Variants in PARD3B observed in about 807,000 individuals in gnomAD.
PARD3B encodes the protein par-3 family cell polarity regulator beta.
Under a neutral mutation model 130.2 loss-of-function variants are expected in PARD3B, and 103 were observed. The observed-to-expected ratio is 0.79, with a 90% CI of 0.67 to 0.93. The LOEUF is 0.93. Among genes scored for constraint, PARD3B ranks in the 40% least tolerant of loss-of-function variants. PARD3B has a pLI of 0.00. For missense variants in PARD3B, 1,609 were observed against 1,499.2 expected (o/e 1.07, Z -1.21); for synonymous variants, 583 against 553.2 (o/e 1.05, Z -0.76).
intron 1 of PARD3B, among the ~76,000 whole-genome samples, chr2:204,634,612 G>C (rs532849167): frequency 6.6e-6 from 1 of 152,102 alleles, no homozygotes; most frequent in Admixed American, 6.5e-5. Flanking sequence ...ATTCTCCAGA[G>C]TCTGTATTTT....
intron 19 of PARD3B, among the ~76,000 whole-genome samples, chr2:205,432,117 T>C (rs114575507): frequency 1.3e-5 from 2 of 152,214 alleles, no homozygotes; most frequent in South Asian, 4.1e-4. Flanking sequence ...AGGGCAGTCT[T>C]AATTACAGAA....
At chr2:204,896,598 G>A (rs2046649553) in intron 2 of PARD3B, among the ~76,000 whole-genome samples, 1 of 152,128 alleles carries the variant, frequency 6.6e-6, no homozygotes, top group Admixed American at 6.5e-5. Context: ...TCAGTTCCTG[G>A]AACATTGTAA....
intron 2 of PARD3B, among the ~76,000 whole-genome samples, chr2:204,773,935 G>A (rs1276082238): frequency 6.6e-6 from 1 of 152,068 alleles, no homozygotes; most frequent in African/African-American, 2.4e-5. Flanking sequence ...TGTCATGGGT[G>A]TCGACCCTGC....
intron 4 of PARD3B, among the ~76,000 whole-genome samples, chr2:205,088,632 A>G (rs1239677692): frequency 6.6e-6 from 1 of 152,176 alleles, no homozygotes; most frequent in Non-Finnish European, 1.5e-5. Flanking sequence ...AGACAAATTC[A>G]TGTCACATTA....
intron 22 of PARD3B, among the ~76,000 whole-genome samples, chr2:205,559,734 G>A (rs2053059454): frequency 6.6e-6 from 1 of 151,758 alleles, no homozygotes; most frequent in South Asian, 2.1e-4. Context: ...AAGTAGCTAG[G>A]ATTACAGGCA....
At chr2:204,970,117 G>A (rs1324552730) in intron 3 of PARD3B, among the ~76,000 whole-genome samples, 1 of 152,150 alleles carries the variant, frequency 6.6e-6, no homozygotes, top group Non-Finnish European at 1.5e-5. Flanking sequence ...GAGGGTGGGA[G>A]TCTCCCGGTC....
At position 205,606,520 on chromosome 2, in the gene PARD3B, A is replaced by C. The variant is rs577589875; in HGVS notation, c.3261-8936A>C. Among the ~76,000 whole-genome samples, 102 of 146,626 alleles carry C rather than the reference A, an allele frequency of 7.0e-4. No individual in the cohort carries two copies. The South Asian group carries it at 0.021, about 30-fold the overall frequency. On this transcript the variant is annotated intron_variant, in intron 22 of 22. Transcript: ENST00000406610. The stretch of plus-strand genomic sequence containing the variant: ...TTGCCATTTTTTTCTTCTCAGTGGG[A>C]GCCTCCGACCACAGCTGTTTCTAGT...
chr2:204,759,640 C>G (rs2040818391), intron 2 of PARD3B, among the ~76,000 whole-genome samples: 1 of 152,034 alleles, frequency 6.6e-6, no homozygotes. Flanking sequence ...CAACACATAT[C>G]TTTCTGTAAA....
intron 20 of PARD3B, among the ~76,000 whole-genome samples, chr2:205,484,849 C>A (rs557314352): frequency 6.6e-6 from 1 of 152,304 alleles, no homozygotes; most frequent in Admixed American, 6.5e-5. Flanking sequence ...ATTGAAAAAA[C>A]TAGCAACTGT....
chr2:205,479,597 A>C (rs2049151329), intron 20 of PARD3B, among the ~76,000 whole-genome samples: 1 of 152,080 alleles, frequency 6.6e-6, no homozygotes, highest in Non-Finnish European at 1.5e-5. Flanking sequence ...GAATTCATCT[A>C]TTTTTCTCCA....
intron 2 of PARD3B, among the ~76,000 whole-genome samples, chr2:204,954,315 G>T (rs1690053028): frequency 6.6e-6 from 1 of 152,074 alleles, no homozygotes; most frequent in African/African-American, 2.4e-5. Flanking sequence ...GAGTCTAAAT[G>T]GAATATTTAA....
chr2:205,134,924 A>G (rs1391288906), intron 10 of PARD3B, among the ~76,000 whole-genome samples: 1 of 151,196 alleles, frequency 6.6e-6, no homozygotes. Context: ...TAGTGGAAGG[A>G]GGAGTGTTCT....
In PARD3B at chr2:205,341,073, A is replaced by G. The variant is rs187481784; in HGVS notation, c.2630+39372A>G. ...TCATCTTATCCGAGTTTGAATGGCTATGATCAAAAAAATAAAAAATAAAAA... is the reference window on the plus strand; with the variant it reads ...TCATCTTATCCGAGTTTGAATGGCTGTGATCAAAAAAATAAAAAATAAAAA... On this transcript the variant is annotated intron_variant, in intron 18 of 22. Transcript: ENST00000406610. This position sits in a 1 kb window ranked among gnomAD's most constrained non-coding sequence, Gnocchi z 4.3. Among the ~76,000 whole-genome samples the G allele has an allele frequency of 7.9e-5, 12 of 152,214 alleles. No individual in the cohort carries two copies. Among genetic ancestry groups the G allele is most frequent in the African/African-American group, 2.6e-4 (11 of 41,568 alleles).
chr2:205,459,757 G>A (rs1345056393), intron 20 of PARD3B, among the ~76,000 whole-genome samples: 2 of 152,210 alleles, frequency 1.3e-5, no homozygotes, highest in African/African-American at 2.4e-5. Context: ...CAGTGACCAC[G>A]TTTAGCAACA....
chr2:205,564,626 G>A lies in PARD3B; in HGVS notation c.3260+11223G>A, dbSNP rs1210995238. On this transcript the variant is annotated intron_variant, in intron 22 of 22. Coordinates refer to ENST00000406610, the MANE Select transcript of PARD3B (RefSeq NM_001302769.2). The surrounding 1 kb of genome is among the most constrained non-coding windows in gnomAD (Gnocchi z 4.6). ...AATGCCAGACAACTGCGGAAGCATCGCTTCTACTGACTCTGCTGCTTCAAG... is the reference window on the plus strand; with the variant it reads ...AATGCCAGACAACTGCGGAAGCATCACTTCTACTGACTCTGCTGCTTCAAG... Among the ~76,000 whole-genome samples the A allele has an allele frequency of 6.6e-6, 1 of 152,176 alleles. No individual in the cohort carries two copies. The highest frequency in any genetic ancestry group is 6.5e-5 in the Admixed American group (1 of 15,276).
chr2:205,479,460 T>C (rs1010473302), intron 20 of PARD3B, among the ~76,000 whole-genome samples: 2 of 152,138 alleles, frequency 1.3e-5, no homozygotes, highest in Non-Finnish European at 1.5e-5. Flanking sequence ...ATGATCACCA[T>C]GCCACAAAGC....
At chr2:205,182,993 C>T (rs146145863) in intron 13 of PARD3B, among the ~76,000 whole-genome samples, 550 of 152,236 alleles carry the variant, frequency 3.6e-3, no homozygotes, top group African/African-American at 0.011. Flanking sequence ...GGTGTCCAGC[C>T]GTATGCCCAG....
chr2:204,684,863 A>G (rs995479020), intron 1 of PARD3B, among the ~76,000 whole-genome samples: 1 of 152,178 alleles, frequency 6.6e-6, no homozygotes, highest in Non-Finnish European at 1.5e-5. Context: ...TTGAAATTCA[A>G]TACTGTATGG....
chr2:205,543,749 G>A (rs1232409105), intron 21 of PARD3B, among the ~76,000 whole-genome samples: 1 of 152,206 alleles, frequency 6.6e-6, no homozygotes, highest in African/African-American at 2.4e-5. Context: ...ACTGATAGTG[G>A]AGTGTTCTAG....
Sources: allele counts gnomAD v4.1 joint callset (sites outside exome capture counted in the v4.1 genomes callset), GRCh38; gene constraint gnomAD v4.1.1; non-coding constraint Gnocchi (gnomAD v3.1); transcripts MANE v1.5; gene names NCBI Gene and HGNC (gene_info 2026-07-23, HGNC 2026-07-21).